PTPRJ: variants seen among roughly 807,000 people sequenced by gnomAD.
The protein encoded by PTPRJ is receptor-type tyrosine-protein phosphatase eta.
Under a neutral mutation model 141.3 loss-of-function variants are expected in PTPRJ, and 129 were observed. The observed-to-expected ratio is 0.91, with a 90% confidence interval of 0.79 to 1.06. The LOEUF is 1.06. Among genes scored for constraint, PTPRJ ranks in the 50% least tolerant of loss-of-function variants. The pLI, the probability that PTPRJ is intolerant of heterozygous loss-of-function variation, is 0.00. For missense variants in PTPRJ, 1,601 were observed against 1,679.7 expected (o/e 0.95, Z 0.82); for synonymous variants, 610 against 640.5 (o/e 0.95, Z 0.72).
At chr11:47,987,196 G>T (rs973978595) in intron 1 of PTPRJ, among the ~76,000 whole-genome samples, 1 of 151,902 alleles carries the variant, frequency 6.6e-6, no homozygotes, top group African/African-American at 2.4e-5. Context: ...GCAACAGAGT[G>T]AGACCCTGTC....
chr11:47,997,054 C>T (rs377609591), intron 1 of PTPRJ, among the ~76,000 whole-genome samples: 1 of 152,202 alleles, frequency 6.6e-6, no homozygotes, highest in African/African-American at 2.4e-5. Context: ...ACTTCTTTTC[C>T]TCCAGAACAT....
chr11:48,170,731 T>C lies in PTPRJ; in HGVS notation c.*3369T>C, dbSNP rs1858034370. On this transcript the variant is annotated 3_prime_UTR_variant, in exon 25 of 25. Transcript: ENST00000418331. ...TGCATATTTCTAATGTTTGTTATAC[T>C]TGTACAGAGTATTGCTGTTGGTTGC... The C allele has an allele frequency of 6.6e-6, 1 of 150,590 alleles. No homozygotes were observed. Among genetic ancestry groups the C allele is most frequent in the Admixed American group, 6.7e-5 (1 of 14,980 alleles). The allele number at this position is 150,590 out of a possible 1,614,324, so 9.3% of individuals were successfully genotyped here.
chr11:48,064,262 A>G (rs1453644988), intron 1 of PTPRJ, among the ~76,000 whole-genome samples: 5 of 151,864 alleles, frequency 3.3e-5, no homozygotes, highest in Non-Finnish European at 5.9e-5. Flanking sequence ...TGAGTCAGGG[A>G]AGGTGGTGAA....
At chr11:47,991,017 G>T (rs1166342491) in intron 1 of PTPRJ, among the ~76,000 whole-genome samples, 1 of 151,736 alleles carries the variant, frequency 6.6e-6, no homozygotes, top group East Asian at 1.9e-4. Context: ...ACCGCGCCCG[G>T]CCCCATGAAA....
intron 22 of PTPRJ, among the ~76,000 whole-genome samples, chr11:48,161,706 G>C (rs139171882): frequency 1.3e-5 from 2 of 151,822 alleles, no homozygotes; most frequent in Non-Finnish European, 2.9e-5. Flanking sequence ...TCTGCCTCTC[G>C]GGTCCAAGTG....
chr11:48,089,048 G>GT lies in PTPRJ; in HGVS notation c.97-21010_97-21009insT, dbSNP rs1590486975. ...TTTTCATCCCCGGTTAGCGTGCTGT[G>GT]CGCCAGGAGGGCTGCCTGTTGTCTT... On this transcript the variant is annotated intron_variant, in intron 1 of 24. Transcript: ENST00000418331. Among the ~76,000 whole-genome samples the GT allele has an allele frequency of 1.5e-4, 8 of 53,108 alleles. No homozygotes were observed. The East Asian group carries it at 1.5e-3, about 10-fold the overall frequency. The allele number at this position is 53,108 out of a possible 152,430, so 34.8% of individuals were successfully genotyped here. A position where few individuals can be genotyped will look rare whatever the true frequency, so the allele number is the denominator to read the frequency against.
chr11:48,142,796 A>G, intron 11 of PTPRJ, 123 bp from the exon 12 acceptor site: 1 of 1,234,814 alleles, frequency 8.1e-7, no homozygotes, highest in Non-Finnish European at 1.1e-6. Flanking sequence ...GCTGTTTTGC[A>G]CGAGCCCAGC....
chr11:48,117,907 A>G (rs981845957), intron 3 of PTPRJ, among the ~76,000 whole-genome samples: 2 of 152,222 alleles, frequency 1.3e-5, no homozygotes, highest in Non-Finnish European at 2.9e-5. Context: ...ACAGAAATAC[A>G]AAGGAACAAT....
rs146345249 is a variant in PTPRJ, at chr11:47,996,399, C to T, written c.96+15391C>T. 3.0e-3 allele frequency among the ~76,000 whole-genome samples: 451 copies of T among 151,314 alleles called. 3 individuals are homozygous for T. The highest frequency in any genetic ancestry group is 2.1e-3 in the Non-Finnish European group (145 of 67,914). On this transcript the variant is annotated intron_variant, in intron 1 of 24. Coordinates refer to ENST00000418331, the MANE Select transcript of PTPRJ (RefSeq NM_002843.4). ...GCATGGGCTTTGGTGTCAGCAGAAGCATGTGTCCAGTTCCATGCTCTTCCC... is the reference window on the plus strand; with the variant it reads ...GCATGGGCTTTGGTGTCAGCAGAAGTATGTGTCCAGTTCCATGCTCTTCCC...
chr11:48,074,737 T>G (rs927951080), intron 1 of PTPRJ, among the ~76,000 whole-genome samples: 3 of 152,200 alleles, frequency 2.0e-5, no homozygotes, highest in Non-Finnish European at 4.4e-5. Context: ...TTCAAAGTTT[T>G]TTTTGACTCT....
intron 1 of PTPRJ, among the ~76,000 whole-genome samples, chr11:48,057,186 C>T (rs1027383056): frequency 2.0e-5 from 3 of 152,112 alleles, no homozygotes; most frequent in African/African-American, 2.4e-5. Flanking sequence ...TGGTGTGGTG[C>T]GCGGCTGTGA....
At chr11:48,047,066 C>G (rs1376321815) in intron 1 of PTPRJ, among the ~76,000 whole-genome samples, 2 of 151,332 alleles carry the variant, frequency 1.3e-5, no homozygotes, top group African/African-American at 4.9e-5. Flanking sequence ...CAGGTGCGCA[C>G]CACCACGCCT....
chr11:48,153,022 T>C (rs1208357725), intron 18 of PTPRJ, among the ~76,000 whole-genome samples: 1 of 152,192 alleles, frequency 6.6e-6, no homozygotes, highest in Non-Finnish European at 1.5e-5. Context: ...ACATTTCCAC[T>C]TTGTTCTTTT....
At chr11:48,090,099 C>T (rs537570947) in intron 1 of PTPRJ, among the ~76,000 whole-genome samples, 1 of 152,180 alleles carries the variant, frequency 6.6e-6, no homozygotes, top group African/African-American at 2.4e-5. Context: ...CTCCCTCCCC[C>T]CAACCAAGGA....
At position 47,980,845 on chromosome 11, in the gene PTPRJ, TGCCCGGGCTCGGGCGCACGGCGGG is replaced by T. The variant is rs1853881193; in HGVS notation, c.-62_-39del. 1.9e-6 allele frequency: 2 copies of T among 1,068,432 alleles called. No homozygotes were observed. The highest frequency in any genetic ancestry group is 1.7e-5 in the African/African-American group (1 of 58,854). The allele number at this position is 1,068,432 out of a possible 1,614,324, so 66.2% of individuals were successfully genotyped here. ...AGACGGCAGGAGGCGGCGACGACGG[TGCCCGGGCTCGGGCGCACGGCGGG>T]GCCCGATTCGCGCGTCCGGGGCACG... On this transcript the variant is annotated 5_prime_UTR_variant, in exon 1 of 25. Coordinates refer to ENST00000418331, the MANE Select transcript of PTPRJ (RefSeq NM_002843.4).
Position 48,146,856 on chromosome 11 carries a change from C to T in PTPRJ, c.2912-20C>T. 4.3e-6 allele frequency: 7 copies of T among 1,609,612 alleles called. No individual in the cohort carries two copies. Among genetic ancestry groups the T allele is most frequent in the Non-Finnish European group, 6.0e-6 (7 of 1,175,988 alleles). On this transcript the variant is annotated intron_variant, in intron 14 of 24. Transcript: ENST00000418331. ...TGCATGAACACCTCTTGAAGTGTCTCCCATTTGGACTTTTCTCAGGTGTCA... is the reference window on the plus strand; with the variant it reads ...TGCATGAACACCTCTTGAAGTGTCTTCCATTTGGACTTTTCTCAGGTGTCA...
chr11:48,032,038 A>T (rs1169110155), intron 1 of PTPRJ, among the ~76,000 whole-genome samples: 1 of 152,208 alleles, frequency 6.6e-6, no homozygotes, highest in Non-Finnish European at 1.5e-5. Flanking sequence ...AAGTAACTGC[A>T]GGCAGTGTCC....
At chr11:48,147,503 A>T (rs569700551) in intron 15 of PTPRJ, among the ~76,000 whole-genome samples, 2 of 152,300 alleles carry the variant, frequency 1.3e-5, no homozygotes, top group Non-Finnish European at 2.9e-5. Context: ...CCCTGTTTTG[A>T]GTGCTCACCG....
intron 4 of PTPRJ, among the ~76,000 whole-genome samples, chr11:48,122,834 C>G (rs1341760093): frequency 6.6e-6 from 1 of 152,182 alleles, no homozygotes; most frequent in African/African-American, 2.4e-5. Flanking sequence ...TACCTTCAGG[C>G]CCCTGCAGCC....
Sources: gnomAD v4.1 joint callset for allele counts (sites outside exome capture counted in the v4.1 genomes callset) on GRCh38, gnomAD v4.1.1 for gene constraint, MANE v1.5 for transcripts, NCBI Gene and HGNC (gene_info 2026-07-23, HGNC 2026-07-21) for gene names.